KAT2B: variants seen among roughly 807,000 people sequenced by gnomAD.
KAT2B encodes histone acetyltransferase KAT2B.
In KAT2B, 36 loss-of-function variants were observed where a neutral mutation model predicts 105.9. That is an observed-to-expected ratio of 0.34 (90% CI 0.26 to 0.45). The LOEUF is 0.45. KAT2B is among the 20% of genes least tolerant of loss of function. The probability of loss-of-function intolerance (pLI) is 1.00; values close to 1 mark genes in which losing one functional copy is unlikely to be tolerated. For missense variants in KAT2B, 820 were observed against 1,021.6 expected, an observed-to-expected ratio of 0.80 and a Z score of 2.69; for synonymous variants, 397 against 377.9, an observed-to-expected ratio of 1.05 and a Z score of -0.59.
chr3:20,146,579 T>C (rs771929406), intron 14 of KAT2B, 149 bp downstream of exon 14: 9 of 578,620 alleles, frequency 1.6e-5, no homozygotes, highest in Non-Finnish European at 2.8e-5. Context: ...GCAGCAAATG[T>C]TACCCTTTTA....
chr3:20,093,544 A>C (rs556831711), intron 2 of KAT2B, among the ~76,000 whole-genome samples: 3 of 152,274 alleles, frequency 2.0e-5, no homozygotes, highest in African/African-American at 7.2e-5. Flanking sequence ...CCTCTATCCC[A>C]GGCTTCTGAC....
rs1432209293 is a variant in KAT2B at position 20,062,025 on chromosome 3, CATA to C, written c.304-10304_304-10302del. 2.0e-3 allele frequency among the ~76,000 whole-genome samples: 74 copies of C among 36,858 alleles called. 1 individual carries two copies. Among genetic ancestry groups the C allele is most frequent in the Admixed American group, 2.7e-3 (7 of 2,546 alleles). The allele number at this position is 36,858 out of a possible 152,430, so 24.2% of individuals were successfully genotyped here. ...CATATAATATATATTATATATAAAA[CATA>C]ATATATATTATATATAAAACATATA... On this transcript the variant is annotated intron_variant, in intron 1 of 17. Coordinates refer to ENST00000263754, the MANE Select transcript of KAT2B (RefSeq NM_003884.5).
At chr3:20,055,605 G>A (rs1697991148) in intron 1 of KAT2B, among the ~76,000 whole-genome samples, 1 of 152,114 alleles carries the variant, frequency 6.6e-6, no homozygotes, top group Non-Finnish European at 1.5e-5. Flanking sequence ...GGCCTGTCAG[G>A]AGACCTGTGT....
intron 1 of KAT2B, among the ~76,000 whole-genome samples, chr3:20,042,449 G>C (rs556058270): frequency 6.6e-6 from 1 of 152,286 alleles, no homozygotes; most frequent in South Asian, 2.1e-4. Context: ...CATGGGTACA[G>C]GGCATACTGC....
At chr3:20,082,145 A>G (rs966912958) in intron 2 of KAT2B, among the ~76,000 whole-genome samples, 2 of 151,858 alleles carry the variant, frequency 1.3e-5, no homozygotes, top group Non-Finnish European at 2.9e-5. Context: ...AATGATTCTC[A>G]TGCCTCAGCC....
chr3:20,085,515 T>C (rs1011094655), intron 2 of KAT2B, among the ~76,000 whole-genome samples: 8 of 149,860 alleles, frequency 5.3e-5, no homozygotes, highest in Admixed American at 2.0e-4. Context: ...TTCTTTCTTT[T>C]TTTTTTTTTT....
intron 1 of KAT2B, among the ~76,000 whole-genome samples, chr3:20,062,218 ATATATAAAAAT>A (rs1352356814): frequency 0.022 from 1,761 of 80,774 alleles, 133 homozygotes; most frequent in Non-Finnish European, 0.032. Context: ...AAAATATATT[ATATATAAAAAT>A]ATATATAAAA....
chr3:20,062,190 AATAT>A (rs1201457055), intron 1 of KAT2B, among the ~76,000 whole-genome samples: 1 of 40,212 alleles, frequency 2.5e-5, no homozygotes, highest in Non-Finnish European at 4.7e-5. Flanking sequence ...TAATATATAA[AATAT>A]ATATATTTTA....
chr3:20,148,199 TA>T (rs771192776), intron 15 of KAT2B, 43 bp from the exon 16 acceptor site: 21 of 1,547,326 alleles, frequency 1.4e-5, no homozygotes, highest in Admixed American at 1.7e-5. Context: ...GGCAATAGGG[TA>T]AAACTCTAAT....
At chr3:20,138,809 C>G (rs978688733) in intron 12 of KAT2B, among the ~76,000 whole-genome samples, 2 of 152,136 alleles carry the variant, frequency 1.3e-5, no homozygotes, top group Non-Finnish European at 2.9e-5. Context: ...TTTGTTTCAA[C>G]ATTGCTTATG....
chr3:20,058,423 G>A (rs546650239), intron 1 of KAT2B, among the ~76,000 whole-genome samples: 2 of 134,712 alleles, frequency 1.5e-5, no homozygotes, highest in African/African-American at 2.9e-5. Context: ...CCACTGCACC[G>A]TAGCCTGGGC....
At chr3:20,048,412 C>T (rs1178350765) in intron 1 of KAT2B, among the ~76,000 whole-genome samples, 2 of 152,134 alleles carry the variant, frequency 1.3e-5, no homozygotes, top group Admixed American at 6.5e-5. Context: ...TGTGATATAG[C>T]GCTGTTTAAG....
At chr3:20,140,392 T>G (rs777435480) in intron 13 of KAT2B, 28 bp downstream of exon 13, 1 of 1,612,076 alleles carries the variant, frequency 6.2e-7, no homozygotes, top group Non-Finnish European at 8.5e-7. Flanking sequence ...TCCCTTACCT[T>G]CTGTACAGGC....
In KAT2B at chr3:20,122,000, T is replaced by A. The variant is rs549501631; in HGVS notation, c.1277-668T>A. On this transcript the variant is annotated intron_variant, in intron 8 of 17. Coordinates refer to ENST00000263754, the MANE Select transcript of KAT2B (RefSeq NM_003884.5). ...AGCCCAAAGCCTAATGCAAACTGAT[T>A]TCCGTACATATATGGTGGGGTGCCG... Among the ~76,000 whole-genome samples, 29 of 152,292 alleles carry A rather than the reference T, an allele frequency of 1.9e-4. No homozygotes were observed. The South Asian group carries it at 5.8e-3, about 31-fold the overall frequency.
intron 11 of KAT2B, among the ~76,000 whole-genome samples, chr3:20,131,756 G>T (rs1314159854): frequency 1.3e-5 from 2 of 151,896 alleles, no homozygotes; most frequent in Non-Finnish European, 2.9e-5. Flanking sequence ...TAGAGATAGG[G>T]TCTCCCTGTG....
intron 1 of KAT2B, among the ~76,000 whole-genome samples, chr3:20,050,913 G>A (rs1697904107): frequency 6.6e-6 from 1 of 152,036 alleles, no homozygotes; most frequent in African/African-American, 2.4e-5. Flanking sequence ...AAGAAATCAA[G>A]GAGGTGGCCG....
At position 20,104,617 on chromosome 3, in the gene KAT2B, C is replaced by T. The variant is rs528150823; in HGVS notation, c.851+3149C>T. ...TGTAAGAGAACCTCAGGACCTATAA[C>T]GCTGGTTCAGCTTATAACTTACAGC... On this transcript the variant is annotated intron_variant, in intron 5 of 17. Transcript: ENST00000263754. Among the ~76,000 whole-genome samples, 9 of 152,258 alleles carry T rather than the reference C, an allele frequency of 5.9e-5. No homozygotes were observed. The East Asian group carries it at 9.7e-4, about 16-fold the overall frequency.
At chr3:20,124,845 C>CT (rs1699370874) in intron 9 of KAT2B, among the ~76,000 whole-genome samples, 2 of 152,106 alleles carry the variant, frequency 1.3e-5, no homozygotes, top group African/African-American at 2.4e-5. Flanking sequence ...GATGAAGTGT[C>CT]ACCAGTTAGG....
intron 5 of KAT2B, among the ~76,000 whole-genome samples, chr3:20,102,179 G>T (rs78844889): frequency 0.06 from 9,169 of 152,130 alleles, 305 homozygotes; most frequent in Non-Finnish European, 0.076. Flanking sequence ...AACTGGGCAT[G>T]GTGTCACGTG....
Sources: gnomAD v4.1 joint callset for allele counts (sites outside exome capture counted in the v4.1 genomes callset) on GRCh38, gnomAD v4.1.1 for gene constraint, MANE v1.5 for transcripts, NCBI Gene and HGNC (gene_info 2026-07-23, HGNC 2026-07-21) for gene names.